TENM4: variants seen among roughly 807,000 people sequenced by gnomAD.
TENM4 encodes the protein teneurin transmembrane protein 4, also known as teneurin-4.
Under a neutral mutation model 243.3 loss-of-function variants are expected in TENM4, and 82 were observed. The observed-to-expected ratio is 0.34, with a 90% CI of 0.28 to 0.40. The LOEUF (loss-of-function observed/expected upper bound fraction) is 0.40, where lower values mean the gene tolerates loss of function less well. Ranked by LOEUF, TENM4 falls within the 10% of genes least tolerant of loss-of-function variation. The pLI, the probability that TENM4 is intolerant of heterozygous loss-of-function variation, is 1.00. For missense variants in TENM4, 3,138 were observed against 3,673.3 expected, an observed-to-expected ratio of 0.85 and a Z score of 3.77; for synonymous variants, 1,412 against 1,456.3, an observed-to-expected ratio of 0.97 and a Z score of 0.69.
intron 1 of TENM4, among the ~76,000 whole-genome samples, chr11:79,337,073 T>C (rs1204263155): frequency 6.6e-6 from 1 of 152,248 alleles, no homozygotes; most frequent in East Asian, 1.9e-4. Context: ...GCAACTGGCC[T>C]AAAGCCAGCA....
intron 1 of TENM4, among the ~76,000 whole-genome samples, chr11:79,316,635 T>A (rs1489958735): frequency 6.6e-6 from 1 of 152,240 alleles, no homozygotes. Flanking sequence ...TCGATGTATG[T>A]TGCTGATTTC....
chr11:78,796,293 G>A (rs1857158132), intron 15 of TENM4, among the ~76,000 whole-genome samples: 1 of 152,144 alleles, frequency 6.6e-6, no homozygotes, highest in African/African-American at 2.4e-5. Context: ...AATAGGAGCT[G>A]ACTTTGCAGA....
At chr11:79,122,220 T>C (rs1861759090) in intron 4 of TENM4, among the ~76,000 whole-genome samples, 1 of 151,852 alleles carries the variant, frequency 6.6e-6, no homozygotes, top group Admixed American at 6.6e-5. Flanking sequence ...TTAATAAAAA[T>C]AATGCAAGGA....
chr11:78,745,084 T>G (rs1324011617), intron 19 of TENM4, among the ~76,000 whole-genome samples: 1 of 152,212 alleles, frequency 6.6e-6, no homozygotes, highest in Non-Finnish European at 1.5e-5. Flanking sequence ...TGAGTAAGTT[T>G]GGTTAACACT....
Position 78,701,678 on chromosome 11 carries a change from T to G in TENM4, c.4935A>C (p.Pro1645=), listed in dbSNP as rs762497023. ...TGGTCACCCAGTACACCTGGCCATC[T>G]GGGACCACCAGCCAGAGGGGCATCC... ...STGMPLWLVV[P]DGQVYWVTMG... Residue 1645 remains proline, a synonymous_variant, in exon 28 of 34, where the codon CCA becomes CCC. Coordinates refer to ENST00000278550, the MANE Select transcript of TENM4 (RefSeq NM_001098816.3). 6.2e-7 allele frequency: 1 copy of G among 1,613,898 alleles called. No individual in the cohort carries two copies. The highest frequency in any genetic ancestry group is 1.3e-5 in the African/African-American group (1 of 74,928).
At chr11:79,417,760 C>T (rs1053724611) in intron 1 of TENM4, among the ~76,000 whole-genome samples, 3 of 152,162 alleles carry the variant, frequency 2.0e-5, no homozygotes, top group Admixed American at 6.5e-5. Context: ...TTCCTGAGGT[C>T]GCCTCATCCC....
chr11:78,658,170 C>G lies in TENM4; in HGVS notation c.8198G>C (p.Arg2733Pro), dbSNP rs185503085. The G allele has an allele frequency of 1.2e-6, 2 of 1,613,904 alleles. No individual in the cohort carries two copies. Among genetic ancestry groups the G allele is most frequent in the African/African-American group, 1.3e-5 (1 of 74,934 alleles). The change falls in exon 34 of 34, where the codon CGG becomes CCG. Residue 2733 changes from arginine to proline, a missense_variant. Physicochemically the swap from Arg to Pro is moderately radical, Grantham distance 103. Coordinates refer to ENST00000278550, the MANE Select transcript of TENM4 (RefSeq NM_001098816.3). ...GEKQQVLSTG[R>P]VQGYDGFFVI... The stretch of plus-strand genomic sequence containing the variant: ...GAAAAAGCCGTCGTAGCCTTGCACC[C>G]GCCCTGTGCTCAGCACCTGCTGCTT...
At chr11:78,861,377 G>A (rs1311224139) in intron 10 of TENM4, among the ~76,000 whole-genome samples, 1 of 152,218 alleles carries the variant, frequency 6.6e-6, no homozygotes, top group Non-Finnish European at 1.5e-5. Context: ...ATTTGCTTAA[G>A]GTGATACCAC....
At position 78,834,996 on chromosome 11, in the gene TENM4, T is replaced by C. The variant is rs562431785; in HGVS notation, c.1681+19108A>G. Among the ~76,000 whole-genome samples the C allele has an allele frequency of 9.2e-5, 14 of 152,300 alleles. No homozygotes were observed. The South Asian group carries it at 2.9e-3, about 32-fold the overall frequency. ...TCCACACTGCTAACTCCATCCACTC[T>C]TTTTTTCAAAAGTCTGCTGGCATCT... is the stretch of plus-strand genomic sequence containing the variant. On this transcript the variant is annotated intron_variant, in intron 12 of 33. Coordinates refer to ENST00000278550, the MANE Select transcript of TENM4 (RefSeq NM_001098816.3).
Position 78,705,708 on chromosome 11 carries a change from C to G in TENM4, c.4209+2653G>C, listed in dbSNP as rs551923947. Among the ~76,000 whole-genome samples the G allele has an allele frequency of 1.2e-4, 19 of 152,246 alleles. No homozygotes were observed. In the South Asian group the frequency reaches 2.1e-3, roughly 17 times the overall value. On this transcript the variant is annotated intron_variant, in intron 27 of 33. Coordinates refer to ENST00000278550, the MANE Select transcript of TENM4 (RefSeq NM_001098816.3). ...AAAAATGGATTGTCAAATGAATGAA[C>G]GAAGGAAGGAAGGACCAGCAAATGG...
chr11:79,229,169 T>G (rs1864330139), intron 2 of TENM4, among the ~76,000 whole-genome samples: 1 of 152,234 alleles, frequency 6.6e-6, no homozygotes, highest in South Asian at 2.1e-4. Context: ...TTTTTAACCA[T>G]TTTTTGGTTG....
At chr11:78,903,701 C>CTCAA in intron 6 of TENM4, 178 bp from the exon 7 acceptor site, 4 of 1,040,164 alleles carry the variant, frequency 3.8e-6, no homozygotes, top group Non-Finnish European at 5.7e-6. Context: ...ATTCTAGGTG[C>CTCAA]TAGGGATACC....
chr11:79,150,651 C>T (rs941098452), intron 3 of TENM4, among the ~76,000 whole-genome samples: 17 of 152,128 alleles, frequency 1.1e-4, no homozygotes, highest in Admixed American at 1.0e-3. Context: ...GCAGTGGCCT[C>T]TCTGGGTCAT....
chr11:79,043,587 C>T (rs542473006), intron 6 of TENM4, among the ~76,000 whole-genome samples: 74 of 152,284 alleles, frequency 4.9e-4, no homozygotes, highest in Non-Finnish European at 7.6e-4. Context: ...GTCACTGCAC[C>T]ATAAATTAAC....
intron 6 of TENM4, among the ~76,000 whole-genome samples, chr11:78,986,837 G>T (rs771831792): frequency 9.9e-5 from 15 of 152,176 alleles, no homozygotes; most frequent in Admixed American, 3.9e-4. Flanking sequence ...GCCTCCCAAA[G>T]TGCTGGGATT....
intron 32 of TENM4, among the ~76,000 whole-genome samples, chr11:78,666,403 G>A (rs1285080241): frequency 1.3e-5 from 2 of 152,114 alleles, no homozygotes; most frequent in African/African-American, 4.8e-5. Context: ...TTTTCTTATG[G>A]TGGGTTCCTA....
At chr11:79,400,059 T>A (rs568649543) in intron 1 of TENM4, among the ~76,000 whole-genome samples, 12 of 151,040 alleles carry the variant, frequency 7.9e-5, no homozygotes, top group Admixed American at 4.6e-4. Context: ...GATTTGGTAA[T>A]CAGTTGATTC....
At chr11:79,065,105 C>A in intron 5 of TENM4, 98 bp from the exon 6 acceptor site, 2 of 1,403,294 alleles carry the variant, frequency 1.4e-6, no homozygotes, top group East Asian at 2.7e-5. Flanking sequence ...GGCTCACTGT[C>A]GTTCTTTGAA....
intron 6 of TENM4, among the ~76,000 whole-genome samples, chr11:79,061,479 G>A (rs1175481607): frequency 6.6e-6 from 1 of 152,176 alleles, no homozygotes; most frequent in Non-Finnish European, 1.5e-5. Flanking sequence ...ATGACAACAT[G>A]GCCAGGGGAG....
Sources: gnomAD v4.1 joint callset for allele counts (sites outside exome capture counted in the v4.1 genomes callset) on GRCh38, gnomAD v4.1.1 for gene constraint, MANE v1.5 for transcripts, NCBI Gene and HGNC (gene_info 2026-07-23, HGNC 2026-07-21) for gene names.